SYNDIG1: variants seen among roughly 807,000 people sequenced by gnomAD.
The protein encoded by SYNDIG1 is synapse differentiation-inducing gene protein 1.
SYNDIG1 carries 9 observed loss-of-function variants against 19.4 expected under a neutral mutation model. The ratio of observed to expected loss-of-function variants is 0.46; its 90% CI spans 0.28 to 0.81. The LOEUF is 0.81. SYNDIG1 is among the 30% of genes least tolerant of loss of function. The probability of loss-of-function intolerance (pLI) is 0.12; values close to 1 mark genes in which losing one functional copy is unlikely to be tolerated. For synonymous variants in SYNDIG1, 141 were observed against 145.9 expected, an observed-to-expected ratio of 0.97 and a Z score of 0.24; for missense variants, 311 against 343.3, an observed-to-expected ratio of 0.91 and a Z score of 0.74.
chr20:24,525,286 CTTTTT>C (rs11471122), intron 1 of SYNDIG1, among the ~76,000 whole-genome samples: 55,541 of 106,318 alleles, frequency 0.52, 13,016 homozygotes, highest in East Asian at 0.66. Context: ...TCTTCTTCTT[CTTTTT>C]TTTTTTTTTT....
chr20:24,588,628 G>C (rs985547783), intron 3 of SYNDIG1, among the ~76,000 whole-genome samples: 4 of 152,198 alleles, frequency 2.6e-5, no homozygotes, highest in African/African-American at 9.7e-5. Context: ...GTGGTGACCT[G>C]TGCTGCAGTC....
intron 3 of SYNDIG1, among the ~76,000 whole-genome samples, chr20:24,660,632 AGGAGGC>A (rs2059574047): frequency 6.6e-6 from 1 of 152,246 alleles, no homozygotes; most frequent in South Asian, 2.1e-4. Context: ...ACATTGTCAC[AGGAGGC>A]TTGTGCTCTC....
intron 1 of SYNDIG1, among the ~76,000 whole-genome samples, chr20:24,531,963 G>A (rs114175783): frequency 6.6e-6 from 1 of 152,338 alleles, no homozygotes; most frequent in African/African-American, 2.4e-5. Flanking sequence ...GTGGGTAACA[G>A]AGGCTGCCTC....
intron 1 of SYNDIG1, among the ~76,000 whole-genome samples, chr20:24,539,721 C>G (rs140601552): frequency 1.3e-5 from 2 of 152,200 alleles, no homozygotes; most frequent in East Asian, 3.9e-4. Flanking sequence ...TATGGAATGT[C>G]TTCCCATTTA....
intron 1 of SYNDIG1, among the ~76,000 whole-genome samples, chr20:24,474,098 G>A (rs933105346): frequency 2.0e-5 from 3 of 152,168 alleles, no homozygotes. Context: ...GGAATGGATA[G>A]GAAAGGCATG....
chr20:24,563,824 C>T (rs2057990334), intron 2 of SYNDIG1, among the ~76,000 whole-genome samples: 1 of 152,152 alleles, frequency 6.6e-6, no homozygotes, highest in South Asian at 2.1e-4. Context: ...GCTGATCTCA[C>T]ACTTTTGGAC....
At chr20:24,582,931 G>A (rs963776589) in intron 2 of SYNDIG1, among the ~76,000 whole-genome samples, 1 of 152,196 alleles carries the variant, frequency 6.6e-6, no homozygotes, top group Non-Finnish European at 1.5e-5. Context: ...TGCCCTGTTG[G>A]TGGAGTGGCA....
chr20:24,487,791 C>T (rs1218628368), intron 1 of SYNDIG1, among the ~76,000 whole-genome samples: 1 of 152,176 alleles, frequency 6.6e-6, no homozygotes, highest in African/African-American at 2.4e-5. Flanking sequence ...GACATTGCCA[C>T]AGCTCCCGTC....
intron 3 of SYNDIG1, among the ~76,000 whole-genome samples, chr20:24,605,747 T>G (rs12480522): frequency 0.23 from 34,870 of 152,066 alleles, 4,447 homozygotes; most frequent in Admixed American, 0.37. Context: ...CATCTTGATT[T>G]TGTGATTATT....
chr20:24,552,822 C>T (rs1012765472), intron 2 of SYNDIG1, among the ~76,000 whole-genome samples: 7 of 152,272 alleles, frequency 4.6e-5, no homozygotes, highest in Non-Finnish European at 8.8e-5. Context: ...TGGGTATATA[C>T]CCGGTAATGG....
intron 3 of SYNDIG1, among the ~76,000 whole-genome samples, chr20:24,639,584 T>G (rs1287638973): frequency 6.6e-6 from 1 of 152,206 alleles, no homozygotes; most frequent in Non-Finnish European, 1.5e-5. Context: ...TAAATTGAGT[T>G]GTCGGCGTGA....
intron 1 of SYNDIG1, among the ~76,000 whole-genome samples, chr20:24,476,762 T>C (rs1040756505): frequency 3.9e-5 from 6 of 152,150 alleles, no homozygotes; most frequent in Non-Finnish European, 7.3e-5. Flanking sequence ...ATCAAGGCTC[T>C]GCTGGAAGCC....
intron 1 of SYNDIG1, among the ~76,000 whole-genome samples, chr20:24,473,233 G>A (rs1029237618): frequency 6.6e-6 from 1 of 152,192 alleles, no homozygotes; most frequent in Non-Finnish European, 1.5e-5. Flanking sequence ...TCTTGTATCA[G>A]TGGAAAGTTG....
chr20:24,657,340 G>T (rs967580467), intron 3 of SYNDIG1, among the ~76,000 whole-genome samples: 1 of 152,198 alleles, frequency 6.6e-6, no homozygotes, highest in Non-Finnish European at 1.5e-5. Flanking sequence ...GAAGGGGCTG[G>T]CCTTGAGGAC....
intron 1 of SYNDIG1, among the ~76,000 whole-genome samples, chr20:24,472,310 C>T (rs374542681): frequency 3.3e-5 from 5 of 152,130 alleles, no homozygotes; most frequent in Admixed American, 6.5e-5. Flanking sequence ...GGCGTGAACA[C>T]GATTCTGGTT....
rs147140041 is a variant in SYNDIG1, at chr20:24,520,364, T to C, written c.-78-22656T>C. Among the ~76,000 whole-genome samples, 1,230 of 152,214 alleles carry C rather than the reference T, an allele frequency of 8.1e-3. 7 individuals carry two copies. The highest frequency in any genetic ancestry group is 0.014 in the Non-Finnish European group (963 of 68,016). On this transcript the variant is annotated intron_variant, in intron 1 of 3. Transcript: ENST00000376862. ...AGAATTAATATGTTTGAGGTTCTTA[T>C]ATTTTCCAGAAAGTGTAGAACTAAC...
intron 1 of SYNDIG1, among the ~76,000 whole-genome samples, chr20:24,505,044 G>T (rs1405810720): frequency 6.6e-6 from 1 of 152,188 alleles, no homozygotes; most frequent in Non-Finnish European, 1.5e-5. Context: ...GATCCCAGGT[G>T]TGGGGCAAGG....
At chr20:24,472,947 G>A (rs1299387064) in intron 1 of SYNDIG1, among the ~76,000 whole-genome samples, 1 of 152,154 alleles carries the variant, frequency 6.6e-6, no homozygotes, top group Non-Finnish European at 1.5e-5. Flanking sequence ...GCAGTTTTAT[G>A]TCCTGTCACC....
chr20:24,534,871 T>G (rs927429534), intron 1 of SYNDIG1, among the ~76,000 whole-genome samples: 5 of 152,114 alleles, frequency 3.3e-5, no homozygotes, highest in Non-Finnish European at 7.4e-5. Flanking sequence ...TTCCCTGGGT[T>G]TGAGGGAGGG....
Sources: allele counts gnomAD v4.1 joint callset (sites outside exome capture counted in the v4.1 genomes callset), GRCh38; gene constraint gnomAD v4.1.1; transcripts MANE v1.5; gene names NCBI Gene and HGNC (gene_info 2026-07-23, HGNC 2026-07-21).